Variants in NEDD4L observed in about 807,000 individuals in gnomAD.
The protein encoded by NEDD4L is NEDD4 like E3 ubiquitin protein ligase.
In NEDD4L, 54 loss-of-function variants were observed where a neutral mutation model predicts 148.9. The observed-to-expected ratio is 0.36, with a 90% CI of 0.29 to 0.45. The LOEUF is 0.45. Among genes scored for constraint, NEDD4L ranks in the 20% least tolerant of loss-of-function variants. NEDD4L has a pLI of 1.00. For synonymous variants in NEDD4L, 433 were observed against 440.7 expected (o/e 0.98, Z 0.22); for missense variants, 856 against 1,233.8 (o/e 0.69, Z 4.59).
chr18:58,125,839 G>A (rs907283652), intron 1 of NEDD4L, among the ~76,000 whole-genome samples: 3 of 152,184 alleles, frequency 2.0e-5, no homozygotes, highest in Admixed American at 2.0e-4. Flanking sequence ...TTGATCCGGG[G>A]TCTTGGAAGT....
intron 5 of NEDD4L, among the ~76,000 whole-genome samples, chr18:58,313,525 C>T (rs1343696220): frequency 1.3e-5 from 2 of 152,244 alleles, no homozygotes; most frequent in Non-Finnish European, 2.9e-5. Flanking sequence ...AAGCCCAGAG[C>T]TGGTACCGCC....
chr18:58,193,098 G>A lies in NEDD4L; in HGVS notation c.122+27237G>A, dbSNP rs544353172. 5.3e-5 allele frequency among the ~76,000 whole-genome samples: 8 copies of A among 152,234 alleles called. No individual in the cohort carries two copies. The East Asian group carries it at 1.5e-3, about 29-fold the overall frequency. ...ATAGGGTGTGGATGAGGTCAGATGC[G>A]AGACTATTTCTTGATTTGAGTCATT... On this transcript the variant is annotated intron_variant, in intron 2 of 30. Transcript: ENST00000400345.
At chr18:58,327,671 G>T (rs939226478) in intron 9 of NEDD4L, among the ~76,000 whole-genome samples, 5 of 152,210 alleles carry the variant, frequency 3.3e-5, no homozygotes, top group Non-Finnish European at 5.9e-5. Flanking sequence ...TTCAGAATGT[G>T]TGAGAAAACT....
At chr18:58,357,604 C>A (rs2044859219) in intron 19 of NEDD4L, 1 of 435,612 alleles carries the variant, frequency 2.3e-6, no homozygotes, top group South Asian at 1.9e-5. Flanking sequence ...GTTATCATTT[C>A]TTTAGGCCAG....
intron 1 of NEDD4L, among the ~76,000 whole-genome samples, chr18:58,161,755 A>G (rs959020988): frequency 3.3e-5 from 5 of 151,826 alleles, no homozygotes; most frequent in African/African-American, 4.8e-5. Flanking sequence ...CCTTCGTATG[A>G]TTTTCCCTTC....
At chr18:58,208,021 T>C (rs1160815578) in intron 2 of NEDD4L, among the ~76,000 whole-genome samples, 1 of 152,052 alleles carries the variant, frequency 6.6e-6, no homozygotes, top group African/African-American at 2.4e-5. Flanking sequence ...CCAGCCTGAG[T>C]GACAGAGTGA....
In NEDD4L at chr18:58,323,457, TC is replaced by T. The variant is rs1430020424; in HGVS notation, c.513+125del. On this transcript the variant is annotated intron_variant, in intron 8 of 30. Coordinates refer to ENST00000400345, the MANE Select transcript of NEDD4L (RefSeq NM_001144967.3). ...TTAAATATAAAAAAAAGTACATATG[TC>T]CGCAAATTGGTCATTGATAGTCTAC... The T allele has an allele frequency of 2.6e-5, 16 of 620,580 alleles. 1 individual carries two copies. In the Middle Eastern group the frequency reaches 1.3e-3, roughly 50 times the overall value. The allele number at this position is 620,580 out of a possible 1,614,324, so 38.4% of individuals were successfully genotyped here.
intron 1 of NEDD4L, among the ~76,000 whole-genome samples, chr18:58,158,270 A>G (rs2035758005): frequency 6.6e-6 from 1 of 152,258 alleles, no homozygotes; most frequent in African/African-American, 2.4e-5. Flanking sequence ...GGAATGATCC[A>G]AAAGAGAGGT....
chr18:58,123,402 A>G (rs112263185), intron 1 of NEDD4L, among the ~76,000 whole-genome samples: 66 of 152,216 alleles, frequency 4.3e-4, no homozygotes, highest in African/African-American at 1.5e-3. Context: ...GGGCTTTGCC[A>G]ATCTGTGGAC....
chr18:58,296,582 C>G (rs990443808), intron 5 of NEDD4L, among the ~76,000 whole-genome samples: 1 of 152,220 alleles, frequency 6.6e-6, no homozygotes, highest in Admixed American at 6.5e-5. Context: ...CTGGGGCTGC[C>G]TTGCCTCCTC....
rs1810235263 is a variant in NEDD4L at position 58,366,699 on chromosome 18, A to T, written c.2063+471A>T. ...AGGTTTCCCCTTGCATTAGGATTTC[A>T]TCATTGCCAGGCTTGGAAACTGAGG... On this transcript the variant is annotated intron_variant, in intron 21 of 30. Coordinates refer to ENST00000400345, the MANE Select transcript of NEDD4L (RefSeq NM_001144967.3). This position sits in a 1 kb window ranked among gnomAD's most constrained non-coding sequence, Gnocchi z 4.2. 1 of 152,898 alleles carries T rather than the reference A, an allele frequency of 6.5e-6. No individual in the cohort carries two copies. Among genetic ancestry groups the T allele is most frequent in the Non-Finnish European group, 1.5e-5 (1 of 68,504 alleles). 9.5% of individuals were successfully genotyped at this position (152,898 alleles called of 1,614,324 possible).
chr18:58,195,942 TAATTA>T (rs1899350297), intron 2 of NEDD4L, among the ~76,000 whole-genome samples: 1 of 152,252 alleles, frequency 6.6e-6, no homozygotes, highest in Non-Finnish European at 1.5e-5. Flanking sequence ...GAAAACATTT[TAATTA>T]TTTATGTATT....
At chr18:58,077,514 G>A (rs969877822) in intron 1 of NEDD4L, among the ~76,000 whole-genome samples, 3 of 152,180 alleles carry the variant, frequency 2.0e-5, no homozygotes, top group African/African-American at 7.2e-5. Flanking sequence ...GAGTGTGCAC[G>A]TCGTTAACTA....
At chr18:58,069,685 T>A (rs1405488697) in intron 1 of NEDD4L, among the ~76,000 whole-genome samples, 2 of 152,182 alleles carry the variant, frequency 1.3e-5, no homozygotes, top group East Asian at 3.8e-4. Context: ...CAGTACAGAT[T>A]AGGGCCTTGG....
chr18:58,071,033 T>TAA (rs993292489), intron 1 of NEDD4L, among the ~76,000 whole-genome samples: 2 of 151,724 alleles, frequency 1.3e-5, no homozygotes, highest in African/African-American at 2.4e-5. Flanking sequence ...ATATACAGGT[T>TAA]AAAAAAACAC....
At chr18:58,056,670 T>A (rs1222026883) in intron 1 of NEDD4L, among the ~76,000 whole-genome samples, 2 of 152,126 alleles carry the variant, frequency 1.3e-5, no homozygotes, top group East Asian at 3.9e-4. Flanking sequence ...AACCTCCACC[T>A]CCTGGGTTTA....
chr18:58,244,472 C>A (rs758208580), intron 2 of NEDD4L, among the ~76,000 whole-genome samples: 7 of 152,218 alleles, frequency 4.6e-5, no homozygotes, highest in African/African-American at 4.8e-5. Flanking sequence ...CCGCAGTAAT[C>A]CTTTGAAATA....
chr18:58,114,377 CAT>C (rs1367588972), intron 1 of NEDD4L, among the ~76,000 whole-genome samples: 1 of 151,980 alleles, frequency 6.6e-6, no homozygotes. Context: ...CACACACACA[CAT>C]ACACACATAT....
At chr18:58,100,997 G>C (rs111573685) in intron 1 of NEDD4L, among the ~76,000 whole-genome samples, 2 of 152,072 alleles carry the variant, frequency 1.3e-5, no homozygotes, top group East Asian at 1.9e-4. Context: ...GTAGAGATGA[G>C]GTCTCACTGG....
Sources: gnomAD v4.1 joint callset for allele counts (sites outside exome capture counted in the v4.1 genomes callset) on GRCh38, gnomAD v4.1.1 for gene constraint, Gnocchi (gnomAD v3.1) non-coding constraint, MANE v1.5 for transcripts, NCBI Gene and HGNC (gene_info 2026-07-23, HGNC 2026-07-21) for gene names.